ZP3: variants seen among roughly 807,000 people sequenced by gnomAD.
The protein encoded by ZP3 is zona pellucida glycoprotein 3.
ZP3 carries 21 observed loss-of-function variants against 35.6 expected under a neutral mutation model. The observed-to-expected ratio is 0.59, with a 90% CI of 0.42 to 0.85. The LOEUF (loss-of-function observed/expected upper bound fraction) is 0.85, where lower values mean the gene tolerates loss of function less well. Ranked by LOEUF, ZP3 falls within the 40% of genes least tolerant of loss-of-function variation. The pLI, the probability that ZP3 is intolerant of heterozygous loss-of-function variation, is 0.00. For synonymous variants in ZP3, 207 were observed against 214.5 expected (o/e 0.96, Z 0.31); for missense variants, 437 against 536.5 (o/e 0.81, Z 1.83).
intron 1 of ZP3, among the ~76,000 whole-genome samples, chr7:76,419,583 T>A (rs889910502): frequency 5.9e-5 from 9 of 152,124 alleles, no homozygotes; most frequent in African/African-American, 2.2e-4. Context: ...AGGGTGTGTG[T>A]CTCATGATGT....
At chr7:76,397,973 C>A in intron 1 of ZP3, 1 of 861,088 alleles carries the variant, frequency 1.2e-6, no homozygotes, top group Non-Finnish European at 1.7e-6. Flanking sequence ...CCTCCTTGGT[C>A]CAGACTGGGG....
chr7:76,412,618 G>A (rs1057354248), intron 1 of ZP3, among the ~76,000 whole-genome samples: 5 of 152,134 alleles, frequency 3.3e-5, no homozygotes, highest in Admixed American at 6.6e-5. Flanking sequence ...GGGAGGTCGA[G>A]GCAGGCAGAT....
intron 1 of ZP3, among the ~76,000 whole-genome samples, chr7:76,426,954 C>CTGA (rs937048569): frequency 1.1e-4 from 16 of 147,904 alleles, no homozygotes; most frequent in African/African-American, 3.5e-4. Flanking sequence ...ACTTGGGAGG[C>CTGA]TGAAGTGGGA....
At chr7:76,435,497 C>T (rs576453806) in intron 5 of ZP3, among the ~76,000 whole-genome samples, 3 of 152,338 alleles carry the variant, frequency 2.0e-5, no homozygotes, top group Non-Finnish European at 2.9e-5. Context: ...AGAGGTGAGG[C>T]GGTGAGCTTA....
Position 76,433,458 on chromosome 7 carries a change from T to C in ZP3, c.536-12T>C. On this transcript the variant is annotated splice_polypyrimidine_tract_variant and intron_variant, in intron 3 of 7. Coordinates refer to ENST00000394857, the MANE Select transcript of ZP3 (RefSeq NM_001110354.2). ...GCATGAGCCACCATGCCCAGCTGAC[T>C]GTGTCTTTCAGAGAACTGGAACGCT... is the stretch of plus-strand genomic sequence containing the variant. 6.2e-7 allele frequency: 1 copy of C among 1,608,560 alleles called. No individual in the cohort carries two copies. Among genetic ancestry groups the C allele is most frequent in the Non-Finnish European group, 8.5e-7 (1 of 1,176,974 alleles).
In ZP3 at chr7:76,440,492, G is replaced by C. The variant is rs970161249; in HGVS notation, c.941G>C (p.Gly314Ala). Residue 314 changes from glycine (G) to alanine (A), a missense_variant, in exon 7 of 8, where the codon GGC becomes GCC. This residue lies in a region of ZP3 where 26 missense variants were observed against 78.2 expected (regional missense o/e 0.33). Transcript: ENST00000394857. The part of the protein sequence containing the change: ...KPSNSWFPVE[G>A]SADICQCCNK... ...CATCTCAGCTGGTTCCCAGTGGAAG[G>C]CTCGGCTGACATCTGTCAATGCTGT... 2 of 1,613,856 alleles carry C rather than the reference G, an allele frequency of 1.2e-6. No individual in the cohort carries two copies. Among genetic ancestry groups the C allele is most frequent in the Non-Finnish European group, 1.7e-6 (2 of 1,179,944 alleles).
intron 1 of ZP3, among the ~76,000 whole-genome samples, chr7:76,411,073 C>A (rs1435854733): frequency 1.3e-5 from 2 of 151,920 alleles, no homozygotes; most frequent in African/African-American, 2.4e-5. Context: ...ATCTCCACGC[C>A]CCTGCTGCCC....
intron 1 of ZP3, chr7:76,398,714 A>G: frequency 6.2e-7 from 1 of 1,612,776 alleles, no homozygotes; most frequent in Non-Finnish European, 8.5e-7. Flanking sequence ...CATTATGCTT[A>G]CGTACTTTTT....
At chr7:76,432,194 TTC>T (rs1805849730) in intron 2 of ZP3, among the ~76,000 whole-genome samples, 2 of 148,370 alleles carry the variant, frequency 1.3e-5, no homozygotes, top group Admixed American at 1.3e-4. Flanking sequence ...TTCTTTTCTT[TTC>T]TTTTTTTTTT....
chr7:76,400,971 C>T (rs2115784373), intron 1 of ZP3: 3 of 1,550,912 alleles, frequency 1.9e-6, no homozygotes, highest in Non-Finnish European at 2.6e-6. Flanking sequence ...ACCTGGCGGA[C>T]AGGTGAGGGT....
chr7:76,440,699 C>G (rs1330053112), intron 7 of ZP3, 88 bp downstream of exon 7: 1 of 1,533,954 alleles, frequency 6.5e-7, no homozygotes, highest in African/African-American at 1.4e-5. Context: ...GGTATTTTCC[C>G]TTGTCCTCCA....
chr7:76,430,094 C>T (rs1805783511), intron 2 of ZP3, among the ~76,000 whole-genome samples: 1 of 152,086 alleles, frequency 6.6e-6, no homozygotes. Context: ...TCTATAATCC[C>T]AGCTACTTGG....
intron 5 of ZP3, among the ~76,000 whole-genome samples, chr7:76,438,428 G>A (rs1284979276): frequency 1.3e-5 from 2 of 152,030 alleles, no homozygotes; most frequent in Admixed American, 1.3e-4. Flanking sequence ...TGTGGTGGTG[G>A]GTACCCGTAA....
intron 1 of ZP3, 45 bp from the exon 2 acceptor site, chr7:76,429,470 G>A (rs202093773): frequency 1.3e-5 from 20 of 1,590,066 alleles, no homozygotes; most frequent in Middle Eastern, 1.7e-4. Context: ...GGGAGTACCC[G>A]GGCAGGTGAT....
Position 76,433,369 on chromosome 7 carries a change from G to T in ZP3, c.536-101G>T, listed in dbSNP as rs964336832. ...GGGGTTTTGCCACGTTGGCTAGGCTGGTCTCGAACTCCTGACCTCAGGTGA... is the reference window on the plus strand; with the variant it reads ...GGGGTTTTGCCACGTTGGCTAGGCTTGTCTCGAACTCCTGACCTCAGGTGA... On this transcript the variant is annotated intron_variant, in intron 3 of 7. Coordinates refer to ENST00000394857, the MANE Select transcript of ZP3 (RefSeq NM_001110354.2). 4 of 1,309,022 alleles carry T rather than the reference G, an allele frequency of 3.1e-6. No homozygotes were observed. The Admixed American group carries it at 8.9e-5, about 29-fold the overall frequency. 81.1% of individuals were successfully genotyped at this position (1,309,022 alleles called of 1,614,324 possible). A position where few individuals can be genotyped will look rare whatever the true frequency, so the allele number is the denominator to read the frequency against.
chr7:76,425,880 T>C (rs917890620), intron 1 of ZP3, among the ~76,000 whole-genome samples: 1 of 151,866 alleles, frequency 6.6e-6, no homozygotes. Context: ...CTGAGGAGTT[T>C]GAGACCAGCC....
At chr7:76,399,410 A>T (rs1804741560) in intron 1 of ZP3, among the ~76,000 whole-genome samples, 1 of 152,118 alleles carries the variant, frequency 6.6e-6, no homozygotes, top group Admixed American at 6.6e-5. Context: ...AAACTCTGGG[A>T]TTGGGCCTCA....
upstream of ZP3, among the ~76,000 whole-genome samples, chr7:76,423,185 G>A (rs937913185): frequency 6.6e-6 from 1 of 151,170 alleles, no homozygotes; most frequent in Non-Finnish European, 1.5e-5. Flanking sequence ...GAGGGAGAGA[G>A]AGGGAAAGAG....
At chr7:76,439,985 C>T in intron 5 of ZP3, 1 of 397,702 alleles carries the variant, frequency 2.5e-6, no homozygotes. Context: ...GTAGCTGGGA[C>T]TACAGGTACC....
Sources: allele counts gnomAD v4.1 joint callset (sites outside exome capture counted in the v4.1 genomes callset), GRCh38; gene constraint gnomAD v4.1.1; regional missense constraint gnomAD v4.1.1; transcripts MANE v1.5; gene names NCBI Gene and HGNC (gene_info 2026-07-23, HGNC 2026-07-21).